C16orf96: variants seen among roughly 807,000 people sequenced by gnomAD.
C16orf96 encodes uncharacterized protein C16orf96.
C16orf96 carries 108 observed loss-of-function variants against 103.6 expected under a neutral mutation model. The observed-to-expected ratio is 1.04, with a 90% CI of 0.89 to 1.22. C16orf96 has a LOEUF of 1.22. Ranked by LOEUF, C16orf96 falls within the 50% of genes most tolerant of loss-of-function variation. The probability of loss-of-function intolerance (pLI) is 0.00; values close to 1 mark genes in which losing one functional copy is unlikely to be tolerated. For missense variants in C16orf96, 1,586 were observed against 1,464.2 expected, an observed-to-expected ratio of 1.08 and a Z score of -1.36; for synonymous variants, 566 against 593.5, an observed-to-expected ratio of 0.95 and a Z score of 0.67.
upstream of C16orf96, among the ~76,000 whole-genome samples, chr16:4,551,716 T>C (rs1196355990): frequency 6.6e-6 from 1 of 152,148 alleles, no homozygotes; most frequent in Admixed American, 6.6e-5. Context: ...CCTCCCAAAG[T>C]GCTCAGATTA....
chr16:4,592,903 GACCTCAGGTGATCCGCCC>G (rs1256099208), intron 11 of C16orf96, among the ~76,000 whole-genome samples: 2 of 152,154 alleles, frequency 1.3e-5, no homozygotes, highest in African/African-American at 2.4e-5. Flanking sequence ...TCAAACTCCT[GACCTCAGGTGATCCGCCC>G]ACCTCAGCCT....
intron 2 of C16orf96, 80 bp from the exon 3 acceptor site, chr16:4,574,629 T>TA (rs746857852): frequency 1.3e-5 from 15 of 1,120,256 alleles, no homozygotes; most frequent in Non-Finnish European, 1.7e-5. Context: ...CTCAAGCTCT[T>TA]AGTCACCTAG....
chr16:4,582,752 A>G (rs890088362), intron 7 of C16orf96, among the ~76,000 whole-genome samples: 10 of 152,152 alleles, frequency 6.6e-5, no homozygotes, highest in African/African-American at 1.9e-4. Context: ...CAGCATGTCC[A>G]TCGTGCACCC....
At chr16:4,581,731 G>A (rs977525135) in intron 7 of C16orf96, among the ~76,000 whole-genome samples, 2 of 152,102 alleles carry the variant, frequency 1.3e-5, no homozygotes, top group African/African-American at 4.8e-5. Flanking sequence ...TGTAATGAGG[G>A]AGGATTGCTT....
chr16:4,574,298 C>T (rs191605081), intron 2 of C16orf96, among the ~76,000 whole-genome samples: 129 of 152,312 alleles, frequency 8.5e-4, no homozygotes, highest in African/African-American at 2.9e-3. Flanking sequence ...TCTCAGCTCA[C>T]TGCAACCTCT....
At chr16:4,567,002 TA>T (rs1486767698) in intron 1 of C16orf96, among the ~76,000 whole-genome samples, 1 of 152,124 alleles carries the variant, frequency 6.6e-6, no homozygotes, top group African/African-American at 2.4e-5. Flanking sequence ...TCTATTTCAT[TA>T]ATTTCACCAT....
chr16:4,550,060 G>A, the C16orf96 span, among the ~76,000 whole-genome samples: 1 of 150,912 alleles, frequency 6.6e-6, no homozygotes, highest in African/African-American at 2.4e-5. Context: ...TTCTGTTATT[G>A]AGCTGGTTAG....
chr16:4,581,178 AT>A (rs1279805182), intron 7 of C16orf96, among the ~76,000 whole-genome samples: 10 of 126,706 alleles, frequency 7.9e-5, no homozygotes, highest in Admixed American at 2.4e-4. Flanking sequence ...ATATATATAT[AT>A]ATATAATTAG....
At chr16:4,539,044 T>G in the C16orf96 span, among the ~76,000 whole-genome samples, 2 of 152,312 alleles carry the variant, frequency 1.3e-5, no homozygotes, top group African/African-American at 4.8e-5. Flanking sequence ...CAGGGCTGCA[T>G]TTTTTCTTTT....
At chr16:4,576,870 A>C (rs561727217) in intron 5 of C16orf96, among the ~76,000 whole-genome samples, 1 of 152,302 alleles carries the variant, frequency 6.6e-6, no homozygotes, top group South Asian at 2.1e-4. Context: ...AGTTGGCACG[A>C]GGAAAATGGC....
At chr16:4,568,322 A>C (rs978014508) in intron 1 of C16orf96, among the ~76,000 whole-genome samples, 1 of 152,126 alleles carries the variant, frequency 6.6e-6, no homozygotes, top group Non-Finnish European at 1.5e-5. Flanking sequence ...TCTACCCTGG[A>C]GAGTATTCTA....
rs975850437 is a variant in C16orf96, at chr16:4,575,010, C to T, written c.645C>T (p.Thr215=). 2.1e-5 allele frequency: 33 copies of T among 1,551,412 alleles called. No individual in the cohort carries two copies. The Admixed American group carries it at 4.3e-4, about 20-fold the overall frequency. Residue 215 remains threonine, a synonymous_variant, in exon 4 of 16, where the codon ACC becomes ACT. Transcript: ENST00000444310. ...ATAAGTTTAAAACCATCCCCAAAACCGAGGACATGGTGCTCTGGAGTGGCC... is the reference window on the plus strand; with the variant it reads ...ATAAGTTTAAAACCATCCCCAAAACTGAGGACATGGTGCTCTGGAGTGGCC... The part of the protein sequence containing the change: ...LQNKFKTIPK[T]EDMVLWSGLH...
chr16:4,547,909 A>C, the C16orf96 span, among the ~76,000 whole-genome samples: 6 of 150,336 alleles, frequency 4.0e-5, no homozygotes, highest in African/African-American at 1.5e-4. Flanking sequence ...TGGGTAGCTG[A>C]GATTACAGGG....
chr16:4,553,414 C>G (rs12446400), upstream of C16orf96, among the ~76,000 whole-genome samples: 16,520 of 152,088 alleles, frequency 0.11, 1,802 homozygotes, highest in African/African-American at 0.28. Flanking sequence ...GTCTCACTCT[C>G]TTGCCCAGGC....
chr16:4,549,844 A>G, the C16orf96 span, among the ~76,000 whole-genome samples: 1 of 152,048 alleles, frequency 6.6e-6, no homozygotes, highest in Non-Finnish European at 1.5e-5. Context: ...CTCTTCTCTC[A>G]CCATGCAACA....
chr16:4,544,015 G>A, the C16orf96 span, among the ~76,000 whole-genome samples: 1 of 152,142 alleles, frequency 6.6e-6, no homozygotes, highest in Non-Finnish European at 1.5e-5. Context: ...GACCCACTGG[G>A]AAGGGAAGGG....
Position 4,575,052 on chromosome 16 carries a change from C to T in C16orf96, c.687C>T (p.Phe229=), listed in dbSNP as rs1315299397. 6.4e-7 allele frequency: 1 copy of T among 1,551,308 alleles called. No individual in the cohort carries two copies. Among genetic ancestry groups the T allele is most frequent in the East Asian group, 2.4e-5 (1 of 40,938 alleles). The part of the protein sequence containing the change: ...VLWSGLHDAM[F]TSEIGSSPLD... ...GGAGTGGCCTTCATGATGCCATGTT[C>T]ACCTCAGTGAGTGAGGAAGGAAGGG... The change falls in exon 4 of 16, where the codon TTC becomes TTT. Residue 229 remains phenylalanine, a synonymous_variant. Coordinates refer to ENST00000444310, the MANE Select transcript of C16orf96 (RefSeq NM_001145011.2).
rs978926107 is a variant in C16orf96 at position 4,576,002 on chromosome 16, G to A, written c.1522G>A (p.Val508Ile). 43 of 1,550,876 alleles carry A rather than the reference G, an allele frequency of 2.8e-5. No homozygotes were observed. The highest frequency in any genetic ancestry group is 3.6e-5 in the Non-Finnish European group (41 of 1,146,622). The part of the protein sequence containing the change: ...DPKDRAHKDD[V>I]PKDRGGKDVD... Reference sequence around the variant, plus strand: ...CAAGGATAGAGCTCACAAGGATGATGTCCCCAAAGATAGAGGTGGCAAGGA... The same window carrying A: ...CAAGGATAGAGCTCACAAGGATGATATCCCCAAAGATAGAGGTGGCAAGGA... Residue 508 changes from valine to isoleucine, a missense_variant, in exon 5 of 16, where the codon GTC (valine) becomes ATC (isoleucine). Physicochemically the swap from Val to Ile is conservative, Grantham distance 29. Transcript: ENST00000444310.
At chr16:4,598,810 C>T (rs562385450) in intron 14 of C16orf96, among the ~76,000 whole-genome samples, 3 of 152,270 alleles carry the variant, frequency 2.0e-5, no homozygotes, top group South Asian at 4.2e-4. Context: ...AGCCTTGAGA[C>T]ACTCTCCACT....
Sources: allele counts gnomAD v4.1 joint callset (sites outside exome capture counted in the v4.1 genomes callset), GRCh38; gene constraint gnomAD v4.1.1; transcripts MANE v1.5; gene names NCBI Gene and HGNC (gene_info 2026-07-23, HGNC 2026-07-21).